The following ITPKB variants were observed in gnomAD, a reference collection of about 807,000 sequenced individuals.
The protein encoded by ITPKB is IP3 3-kinase B.
A neutral mutation model predicts 69.4 loss-of-function variants in ITPKB; 13 were observed. The ratio of observed to expected loss-of-function variants is 0.19; its 90% CI spans 0.12 to 0.30. The LOEUF is 0.30. ITPKB is among the 10% of genes least tolerant of loss of function. The pLI is 1.00. For synonymous variants in ITPKB, 584 were observed against 513.7 expected (o/e 1.14, Z -1.85); for missense variants, 1,240 against 1,250.5 (o/e 0.99, Z 0.13).
chr1:226,686,583 G>A (rs528968910), intron 2 of ITPKB, among the ~76,000 whole-genome samples: 7 of 152,268 alleles, frequency 4.6e-5, no homozygotes, highest in African/African-American at 1.2e-4. Context: ...GTCAGCGTGC[G>A]GTGTAACGTG....
At chr1:226,654,065 C>T (rs1394251169) in intron 2 of ITPKB, among the ~76,000 whole-genome samples, 1 of 152,148 alleles carries the variant, frequency 6.6e-6, no homozygotes, top group Non-Finnish European at 1.5e-5. Context: ...GATCAGAAAA[C>T]AGCCGGACCA....
intron 2 of ITPKB, among the ~76,000 whole-genome samples, chr1:226,721,940 A>G (rs1657256079): frequency 6.6e-6 from 1 of 151,348 alleles, no homozygotes; most frequent in Admixed American, 6.6e-5. Context: ...CAGCCTCAGG[A>G]TTAGCTGGGA....
At chr1:226,656,180 C>T (rs758113885) in intron 2 of ITPKB, among the ~76,000 whole-genome samples, 13 of 152,212 alleles carry the variant, frequency 8.5e-5, no homozygotes, top group African/African-American at 2.4e-4. Flanking sequence ...GCCCTGGGCA[C>T]GCTTCCATCC....
intron 2 of ITPKB, among the ~76,000 whole-genome samples, chr1:226,684,705 C>T (rs897647733): frequency 1.3e-5 from 2 of 152,082 alleles, no homozygotes; most frequent in Non-Finnish European, 2.9e-5. Context: ...CAAATGATAT[C>T]CTCATATGTT....
chr1:226,687,514 C>G (rs1214457054), intron 2 of ITPKB, among the ~76,000 whole-genome samples: 1 of 152,194 alleles, frequency 6.6e-6, no homozygotes, highest in Non-Finnish European at 1.5e-5. Context: ...GTCCCTGGAA[C>G]AGCTTTTTCC....
At chr1:226,696,633 G>A (rs538743304) in intron 2 of ITPKB, among the ~76,000 whole-genome samples, 2 of 152,276 alleles carry the variant, frequency 1.3e-5, no homozygotes, top group African/African-American at 2.4e-5. Flanking sequence ...CCAAGCAACC[G>A]CTAAGATGGC....
chr1:226,705,311 C>T (rs1042374749), intron 2 of ITPKB, among the ~76,000 whole-genome samples: 1 of 151,304 alleles, frequency 6.6e-6, no homozygotes, highest in Non-Finnish European at 1.5e-5. Flanking sequence ...GGGCAGGTCA[C>T]CTGAGGTCGG....
chr1:226,688,269 C>T (rs1376126748), intron 2 of ITPKB, among the ~76,000 whole-genome samples: 1 of 152,178 alleles, frequency 6.6e-6, no homozygotes, highest in South Asian at 2.1e-4. Context: ...CTATATATGG[C>T]AGGTACCATG....
chr1:226,660,261 T>G (rs1013771919), intron 2 of ITPKB, among the ~76,000 whole-genome samples: 2 of 152,238 alleles, frequency 1.3e-5, no homozygotes, highest in African/African-American at 4.8e-5. Flanking sequence ...GCATCCCCAG[T>G]ATCCTGCAGG....
At chr1:226,654,598 C>T (rs41440951) in intron 2 of ITPKB, among the ~76,000 whole-genome samples, 3,227 of 152,242 alleles carry the variant, frequency 0.021, 107 homozygotes, top group Admixed American at 0.088. Context: ...TGGAGCCTTC[C>T]TGGGCAAGCA....
chr1:226,714,297 G>A (rs1375255995), intron 2 of ITPKB, among the ~76,000 whole-genome samples: 2 of 152,222 alleles, frequency 1.3e-5, no homozygotes, highest in African/African-American at 4.8e-5. Context: ...CCTCTGTACA[G>A]TAACCAGCAC....
At chr1:226,688,818 T>A (rs577639616) in intron 2 of ITPKB, among the ~76,000 whole-genome samples, 1 of 152,326 alleles carries the variant, frequency 6.6e-6, no homozygotes, top group East Asian at 1.9e-4. Context: ...CAAAGACAGA[T>A]GGGTAGGGAT....
At chr1:226,646,391 C>CT (rs1197774755) in intron 4 of ITPKB, among the ~76,000 whole-genome samples, 2 of 152,214 alleles carry the variant, frequency 1.3e-5, no homozygotes, top group African/African-American at 4.8e-5. Flanking sequence ...CTGCCTAAAA[C>CT]TGAGCCCCGA....
At position 226,634,988 on chromosome 1, in the gene ITPKB, C is replaced by T. The variant is rs116253179; in HGVS notation, c.2626-102G>A. 25,472 of 836,098 alleles carry T rather than the reference C, an allele frequency of 0.03. 512 individuals carry two copies. The highest frequency in any genetic ancestry group is 0.037 in the Non-Finnish European group (19,651 of 532,674). 51.8% of individuals were successfully genotyped at this position (836,098 alleles called of 1,614,324 possible). On this transcript the variant is annotated intron_variant, in intron 7 of 7. Transcript: ENST00000429204. The surrounding 1 kb of genome is among the most constrained non-coding windows in gnomAD (Gnocchi z 6.3). ...ACCAGGTGGGGAGGCTCGCTCAGGC[C>T]GGACAGTTGGGTGCCTGCAATTCCA...
chr1:226,711,018 C>T (rs1656935318), intron 2 of ITPKB, among the ~76,000 whole-genome samples: 1 of 152,208 alleles, frequency 6.6e-6, no homozygotes, highest in East Asian at 1.9e-4. Context: ...GCGGCCTGTG[C>T]AACTGCATTC....
chr1:226,714,042 C>T (rs957290391), intron 2 of ITPKB, among the ~76,000 whole-genome samples: 10 of 152,308 alleles, frequency 6.6e-5, no homozygotes, highest in South Asian at 4.1e-4. Flanking sequence ...AGAGAGCAGA[C>T]AATGAGTTGT....
rs1398285084 is a variant in ITPKB at position 226,701,617 on chromosome 1, A to AC, written c.1932+33909_1932+33910insG. ...AGACTCCGTCTCAAAAAAAAAAAAA[A>AC]AAAAAAAAAAAAAACTTCACTTTAC... On this transcript the variant is annotated intron_variant, in intron 2 of 7. Transcript: ENST00000429204. 6.6e-5 allele frequency among the ~76,000 whole-genome samples: 10 copies of AC among 151,016 alleles called. 1 individual carries two copies. Among genetic ancestry groups the AC allele is most frequent in the Admixed American group, 6.6e-4 (10 of 15,162 alleles).
chr1:226,642,174 C>T lies in ITPKB; in HGVS notation c.2247-49G>A, dbSNP rs1668976408. ...GAGGGCCGAGGCCTGGGGCAGGGCT[C>T]ACCAGCAGCTCCTTTCCTGCCTGGT... On this transcript the variant is annotated intron_variant, in intron 4 of 7. Transcript: ENST00000429204. The surrounding 1 kb of genome is among the most constrained non-coding windows in gnomAD (Gnocchi z 6.4). 1 of 1,484,774 alleles carries T rather than the reference C, an allele frequency of 6.7e-7. No individual in the cohort carries two copies. Among genetic ancestry groups the T allele is most frequent in the Non-Finnish European group, 9.3e-7 (1 of 1,080,178 alleles). The allele number at this position is 1,484,774 out of a possible 1,614,324, so 92.0% of individuals were successfully genotyped here.
At chr1:226,733,056 G>T (rs567581822) in intron 2 of ITPKB, among the ~76,000 whole-genome samples, 1 of 152,304 alleles carries the variant, frequency 6.6e-6, no homozygotes, top group Admixed American at 6.5e-5. Context: ...AGGGCCAGGG[G>T]TTGGTTATGT....
Sources: allele counts gnomAD v4.1 joint callset (sites outside exome capture counted in the v4.1 genomes callset), GRCh38; gene constraint gnomAD v4.1.1; non-coding constraint Gnocchi (gnomAD v3.1); transcripts MANE v1.5; gene names NCBI Gene and HGNC (gene_info 2026-07-23, HGNC 2026-07-21).